Variants in TFCP2L1 observed in about 807,000 individuals in gnomAD.
TFCP2L1 encodes the protein transcription factor CP2-like protein 1.
Under a neutral mutation model 72.2 loss-of-function variants are expected in TFCP2L1, and 12 were observed. The ratio of observed to expected loss-of-function variants is 0.17; its 90% confidence interval spans 0.11 to 0.27. The LOEUF (loss-of-function observed/expected upper bound fraction) is 0.27, where lower values mean the gene tolerates loss of function less well. TFCP2L1 is among the 10% of genes least tolerant of loss of function. The probability of loss-of-function intolerance (pLI) is 1.00; values close to 1 mark genes in which losing one functional copy is unlikely to be tolerated. For synonymous variants in TFCP2L1, 260 were observed against 251.0 expected, an observed-to-expected ratio of 1.04 and a Z score of -0.34; for missense variants, 488 against 624.6, an observed-to-expected ratio of 0.78 and a Z score of 2.33.
intron 4 of TFCP2L1, 59 bp downstream of exon 4, chr2:121,248,923 A>G (rs1686545154): frequency 7.3e-6 from 10 of 1,375,452 alleles, no homozygotes; most frequent in Non-Finnish European, 9.8e-6. Context: ...TCCAGGAAGA[A>G]CCCAATGTGG....
chr2:121,223,134 T>C lies in TFCP2L1; in HGVS notation c.*1207A>G, dbSNP rs1213763052. Reference sequence around the variant, plus strand: ...TCCATTTAGAAGCTATGACATCCCATTCAGGTGGTCAGAGGGTTCCCCATG... The same window carrying C: ...TCCATTTAGAAGCTATGACATCCCACTCAGGTGGTCAGAGGGTTCCCCATG... On this transcript the variant is annotated 3_prime_UTR_variant, in exon 15 of 15. Transcript: ENST00000263707. 1 of 152,174 alleles carries C rather than the reference T, an allele frequency of 6.6e-6. No individual in the cohort carries two copies. The highest frequency in any genetic ancestry group is 1.5e-5 in the Non-Finnish European group (1 of 68,042). The allele number at this position is 152,174 out of a possible 1,614,324, so 9.4% of individuals were successfully genotyped here. A position where few individuals can be genotyped will look rare whatever the true frequency, so the allele number is the denominator to read the frequency against.
At chr2:121,232,177 C>T (rs1163208860) in intron 12 of TFCP2L1, among the ~76,000 whole-genome samples, 1 of 151,772 alleles carries the variant, frequency 6.6e-6, no homozygotes, top group Non-Finnish European at 1.5e-5. Flanking sequence ...CTCGCTCTGT[C>T]GCCTAAGCTG....
At chr2:121,242,575 G>A (rs1265186798) in intron 6 of TFCP2L1, 106 bp from the exon 7 acceptor site, 1 of 1,032,284 alleles carries the variant, frequency 9.7e-7, no homozygotes. Flanking sequence ...GCGCAGGGAG[G>A]AACTCAGGGG....
intron 2 of TFCP2L1, among the ~76,000 whole-genome samples, chr2:121,250,829 A>T (rs1213672001): frequency 3.3e-5 from 5 of 150,954 alleles, no homozygotes; most frequent in South Asian, 2.1e-4. Context: ...CTGGTCTCAA[A>T]CTCCTGACCT....
chr2:121,284,927 A>T, intron 1 of TFCP2L1, 121 bp downstream of exon 1: 1 of 853,952 alleles, frequency 1.2e-6, no homozygotes, highest in Non-Finnish European at 1.6e-6. Flanking sequence ...CAGTCCCCAG[A>T]GGGCGGACAG....
intron 1 of TFCP2L1, among the ~76,000 whole-genome samples, chr2:121,284,803 C>G (rs1016890153): frequency 4.4e-4 from 67 of 152,200 alleles, no homozygotes; most frequent in African/African-American, 1.6e-3. Context: ...GGGAGGAGCC[C>G]TCGCAGACAT....
intron 4 of TFCP2L1, among the ~76,000 whole-genome samples, 187 bp from the exon 5 acceptor site, chr2:121,248,457 C>G (rs1530123): frequency 0.032 from 4,915 of 152,276 alleles, 218 homozygotes; most frequent in African/African-American, 0.097. Flanking sequence ...TTGTCTTCAC[C>G]CCGTTTTGTA....
intron 2 of TFCP2L1, among the ~76,000 whole-genome samples, chr2:121,278,707 A>C (rs1361818801): frequency 1.4e-5 from 2 of 144,242 alleles, no homozygotes; most frequent in Admixed American, 7.0e-5. Flanking sequence ...AAAAAAAAAA[A>C]AACACCTAGG....
At chr2:121,265,319 G>GC (rs1686907189) in intron 2 of TFCP2L1, among the ~76,000 whole-genome samples, 1 of 152,182 alleles carries the variant, frequency 6.6e-6, no homozygotes, top group African/African-American at 2.4e-5. Flanking sequence ...CGGGGGAAAC[G>GC]AGAATGGGGA....
chr2:121,250,303 T>C (rs935744170), intron 2 of TFCP2L1, among the ~76,000 whole-genome samples: 4 of 151,896 alleles, frequency 2.6e-5, no homozygotes, highest in Non-Finnish European at 5.9e-5. Flanking sequence ...AAATATAAAA[T>C]ATACCATGAA....
Position 121,239,628 on chromosome 2 carries a change from C to G in TFCP2L1, c.790G>C (p.Ala264Pro). 6.2e-7 allele frequency: 1 copy of G among 1,614,152 alleles called. No homozygotes were observed. The highest frequency in any genetic ancestry group is 8.5e-7 in the Non-Finnish European group (1 of 1,180,014). ...LTECSPWPDV[A>P]YQVNSAPSPS... ...GACGGGGCGCTGTTCACCTGGTAGG[C>G]CACGTCGGGCCATGGAGAGCACTGC... The change falls in exon 8 of 15, where the codon GCC (alanine) becomes CCC (proline). Residue 264 changes from alanine to proline, a missense_variant. Transcript: ENST00000263707.
At chr2:121,241,799 G>A (rs921465599) in intron 7 of TFCP2L1, among the ~76,000 whole-genome samples, 8 of 152,096 alleles carry the variant, frequency 5.3e-5, no homozygotes, top group Non-Finnish European at 1.2e-4. Flanking sequence ...ATGATGCCAT[G>A]CAGCTGGGTA....
chr2:121,277,783 T>C (rs1687175411), intron 2 of TFCP2L1, among the ~76,000 whole-genome samples: 1 of 152,168 alleles, frequency 6.6e-6, no homozygotes, highest in South Asian at 2.1e-4. Context: ...AAAAAGGATA[T>C]ATGTCTGTAA....
intron 13 of TFCP2L1, among the ~76,000 whole-genome samples, chr2:121,230,122 G>A (rs575775807): frequency 2.6e-5 from 4 of 152,192 alleles, no homozygotes; most frequent in South Asian, 2.1e-4. Flanking sequence ...GGGGGCACAC[G>A]ATCCCATCCC....
chr2:121,239,777 T>G (rs1686327506), intron 7 of TFCP2L1, 128 bp from the exon 8 acceptor site: 4 of 956,674 alleles, frequency 4.2e-6, no homozygotes, highest in Non-Finnish European at 6.1e-6. Context: ...CAGCCTGCGT[T>G]TACCCAGTGC....
Position 121,224,178 on chromosome 2 carries a change from A to C in TFCP2L1, c.*163T>G. 1 of 708,148 alleles carries C rather than the reference A, an allele frequency of 1.4e-6. No homozygotes were observed. Among genetic ancestry groups the C allele is most frequent in the South Asian group, 1.8e-5 (1 of 54,560 alleles). 43.9% of individuals were successfully genotyped at this position (708,148 alleles called of 1,614,324 possible). On this transcript the variant is annotated 3_prime_UTR_variant, in exon 15 of 15. Coordinates refer to ENST00000263707, the MANE Select transcript of TFCP2L1 (RefSeq NM_014553.3). The stretch of plus-strand genomic sequence containing the variant: ...TTTCTGTACACCGTACTTGGTGTCC[A>C]CAGGCTTCTGCTGGTTGGTGCTCTG...
At chr2:121,247,086 C>T (rs1686504041) in intron 5 of TFCP2L1, 116 bp from the exon 6 acceptor site, 7 of 1,197,878 alleles carry the variant, frequency 5.8e-6, no homozygotes, top group Middle Eastern at 2.7e-4. Context: ...TGCAGGCCTG[C>T]CTCGACCTCC....
At position 121,237,792 on chromosome 2, in the gene TFCP2L1, A is replaced by G. The variant is rs770299928; in HGVS notation, c.909+10T>C. 9.2e-5 allele frequency: 148 copies of G among 1,614,026 alleles called. No homozygotes were observed. Among genetic ancestry groups the G allele is most frequent in the Non-Finnish European group, 1.2e-4 (145 of 1,180,030 alleles). On this transcript the variant is annotated intron_variant, in intron 9 of 14. Coordinates refer to ENST00000263707, the MANE Select transcript of TFCP2L1 (RefSeq NM_014553.3). ...GACCACCAGCCAGAAAGCCCTGCTC[A>G]GACACTTACGTCACTGCCCACGGGC...
At chr2:121,257,065 A>G (rs1686741733) in intron 2 of TFCP2L1, among the ~76,000 whole-genome samples, 1 of 152,126 alleles carries the variant, frequency 6.6e-6, no homozygotes, top group Non-Finnish European at 1.5e-5. Context: ...TCCTGGCCCA[A>G]CCCTACACTG....
Sources: allele counts gnomAD v4.1 joint callset (sites outside exome capture counted in the v4.1 genomes callset), GRCh38; gene constraint gnomAD v4.1.1; transcripts MANE v1.5; gene names NCBI Gene and HGNC (gene_info 2026-07-23, HGNC 2026-07-21).